TOR3A: variants seen among roughly 807,000 people sequenced by gnomAD.
TOR3A encodes torsin family 3 member A.
TOR3A carries 44 observed loss-of-function variants against 42.1 expected under a neutral mutation model. The observed-to-expected ratio is 1.04, with a 90% CI of 0.82 to 1.34. TOR3A has a LOEUF of 1.34. Among genes scored for constraint, TOR3A ranks in the 40% most tolerant of loss-of-function variants. TOR3A has a pLI of 0.00. For synonymous variants in TOR3A, 227 were observed against 213.2 expected, an observed-to-expected ratio of 1.06 and a Z score of -0.57; for missense variants, 521 against 507.6, an observed-to-expected ratio of 1.03 and a Z score of -0.25.
chr1:179,095,473 T>TTAAGA lies in TOR3A; in HGVS notation c.*257_*261dup. 1 of 1,352,876 alleles carries TTAAGA rather than the reference T, an allele frequency of 7.4e-7. No individual in the cohort carries two copies. Among genetic ancestry groups the TTAAGA allele is most frequent in the South Asian group, 1.8e-5 (1 of 55,636 alleles). The allele number at this position is 1,352,876 out of a possible 1,614,324, so 83.8% of individuals were successfully genotyped here. ...CTGAATTCAAAAACAGAGCCCATTCTTAAGATCACTTGGTGCCTTAAAGAC... is the reference window on the plus strand; with the variant it reads ...CTGAATTCAAAAACAGAGCCCATTCTTAAGATAAGATCACTTGGTGCCTTAAAGAC... On this transcript the variant is annotated 3_prime_UTR_variant, in exon 6 of 6. Coordinates refer to ENST00000367627, the MANE Select transcript of TOR3A (RefSeq NM_022371.4).
chr1:179,085,422 C>CAAAAA, intron 2 of TOR3A: 2 of 445,802 alleles, frequency 4.5e-6, no homozygotes, highest in African/African-American at 5.7e-5. Flanking sequence ...GACTCCATCT[C>CAAAAA]AAAAAAAAAA....
intron 1 of TOR3A, 189 bp from the exon 2 acceptor site, chr1:179,082,751 T>G (rs1307262827): frequency 1.4e-6 from 1 of 704,658 alleles, no homozygotes; most frequent in East Asian, 2.7e-5. Flanking sequence ...ACATGCCTGG[T>G]GACTGCCGTC....
At position 179,095,748 on chromosome 1, in the gene TOR3A, G is replaced by C; in HGVS notation, c.*530G>C. Reference sequence around the variant, plus strand: ...ATACACTCTAGGTTTGCAGGCTGGTGGGCTTTCAAATTGGTACTTCCAGAG... The same window carrying C: ...ATACACTCTAGGTTTGCAGGCTGGTCGGCTTTCAAATTGGTACTTCCAGAG... On this transcript the variant is annotated 3_prime_UTR_variant, in exon 6 of 6. Transcript: ENST00000367627. The C allele has an allele frequency of 1.0e-6, 1 of 985,156 alleles. No individual in the cohort carries two copies. Among genetic ancestry groups the C allele is most frequent in the Non-Finnish European group, 1.2e-6 (1 of 832,314 alleles). The allele number at this position is 985,156 out of a possible 1,614,324, so 61.0% of individuals were successfully genotyped here.
intron 5 of TOR3A, 99 bp from the exon 6 acceptor site, chr1:179,094,869 C>G: frequency 8.5e-7 from 1 of 1,174,926 alleles, no homozygotes; most frequent in East Asian, 2.3e-5. Context: ...CAGAGCAAGC[C>G]CCTGTTTCAA....
At chr1:179,090,323 C>T (rs1415831411) in intron 4 of TOR3A, among the ~76,000 whole-genome samples, 1 of 152,246 alleles carries the variant, frequency 6.6e-6, no homozygotes, top group African/African-American at 2.4e-5. Context: ...ATAGTCTGTG[C>T]CCAGGCTGTC....
At chr1:179,092,676 G>T (rs1557889206) in intron 4 of TOR3A, among the ~76,000 whole-genome samples, 1 of 152,156 alleles carries the variant, frequency 6.6e-6, no homozygotes, top group Non-Finnish European at 1.5e-5. Flanking sequence ...GTGAAACCCT[G>T]TCTCTACTAA....
chr1:179,088,885 A>G (rs1038026564), intron 4 of TOR3A, among the ~76,000 whole-genome samples: 1 of 152,210 alleles, frequency 6.6e-6, no homozygotes, highest in African/African-American at 2.4e-5. Context: ...GCTTCACAAC[A>G]GCTCGAGCCT....
intron 2 of TOR3A, 137 bp downstream of exon 2, chr1:179,083,190 A>C: frequency 1.9e-6 from 1 of 524,580 alleles, no homozygotes; most frequent in South Asian, 3.6e-5. Context: ...AGTCTGACTG[A>C]AGTTTTGAGG....
chr1:179,088,700 G>A (rs1652499504), intron 4 of TOR3A, among the ~76,000 whole-genome samples: 2 of 152,212 alleles, frequency 1.3e-5, no homozygotes, highest in Non-Finnish European at 2.9e-5. Flanking sequence ...ACGCTACCAT[G>A]CGGGACCCAG....
chr1:179,095,034 CT>C lies in TOR3A; in HGVS notation c.1013del (p.Leu338TrpfsTer6). 1 of 1,614,196 alleles carries C rather than the reference CT, an allele frequency of 6.2e-7. No homozygotes were observed. Among genetic ancestry groups the C allele is most frequent in the Non-Finnish European group, 8.5e-7 (1 of 1,180,042 alleles). On this transcript the variant is annotated frameshift_variant, in exon 6 of 6. Transcript: ENST00000367627. LOFTEE classifies it high-confidence loss of function. The stretch of plus-strand genomic sequence containing the variant: ...ATTGACTACTTCATCCCCTTCCTGC[CT>C]TTGGAGTACCGTCACGTGAGGCTGT... ...NLIDYFIPFL[P>X]LEYRHVRLCA...
At chr1:179,087,329 C>T (rs766848785) in intron 3 of TOR3A, among the ~76,000 whole-genome samples, 1 of 152,164 alleles carries the variant, frequency 6.6e-6, no homozygotes, top group Non-Finnish European at 1.5e-5. Flanking sequence ...CCCCTGAGAT[C>T]TCGGCCCAGC....
intron 2 of TOR3A, 21 bp downstream of exon 2, chr1:179,083,074 A>T (rs1388195331): frequency 5.6e-6 from 8 of 1,436,606 alleles, no homozygotes; most frequent in Middle Eastern, 1.8e-4. Flanking sequence ...GCATGGCTTC[A>T]AGGGGCTAGG....
rs140524169 is a variant in TOR3A, at chr1:179,095,294, G to C, written c.*76G>C. The C allele has an allele frequency of 1.1e-3, 1,737 of 1,583,798 alleles. 2 individuals are homozygous for C. Among genetic ancestry groups the C allele is most frequent in the Non-Finnish European group, 1.4e-3 (1,595 of 1,166,644 alleles). The stretch of plus-strand genomic sequence containing the variant: ...TGGGACCTGTAGGAGCACCCCGTTT[G>C]GGACTGTGAGGTGTTTGAGGGTGTG... On this transcript the variant is annotated 3_prime_UTR_variant, in exon 6 of 6. Transcript: ENST00000367627.
chr1:179,082,963 C>CA lies in TOR3A; in HGVS notation c.284dup (p.Arg96AlafsTer19), dbSNP rs1449746591. On this transcript the variant is annotated frameshift_variant, in exon 2 of 6. Coordinates refer to ENST00000367627, the MANE Select transcript of TOR3A (RefSeq NM_022371.4). LOFTEE classifies it high-confidence loss of function. ...AGGCTGGCGCCTTCCTCTGTTGGGC[C>CA]AGCGGTACCTGGACCTCCTGACCAC... is the stretch of plus-strand genomic sequence containing the variant. 6.3e-7 allele frequency: 1 copy of CA among 1,582,636 alleles called. No homozygotes were observed. The highest frequency in any genetic ancestry group is 1.8e-5 in the Admixed American group (1 of 55,426).
At chr1:179,092,327 G>A (rs574883720) in intron 4 of TOR3A, among the ~76,000 whole-genome samples, 12 of 152,304 alleles carry the variant, frequency 7.9e-5, no homozygotes, top group Admixed American at 7.2e-4. Flanking sequence ...GGCTTTCAGA[G>A]CTGGGTAAGG....
chr1:179,091,864 G>C (rs1469119021), intron 4 of TOR3A: 2 of 152,344 alleles, frequency 1.3e-5, no homozygotes, highest in African/African-American at 2.4e-5. Flanking sequence ...ATGCAACTGT[G>C]GCTGCTCCTG....
At position 179,095,356 on chromosome 1, in the gene TOR3A, G is replaced by A. The variant is rs928744872; in HGVS notation, c.*138G>A. On this transcript the variant is annotated 3_prime_UTR_variant, in exon 6 of 6. Coordinates refer to ENST00000367627, the MANE Select transcript of TOR3A (RefSeq NM_022371.4). ...AGCAGCCACTAACAAACACACAACT[G>A]GTGTGTAAAAGGCAGGCCTTACATT... is the stretch of plus-strand genomic sequence containing the variant. 4.6e-6 allele frequency: 7 copies of A among 1,513,064 alleles called. No homozygotes were observed. The African/African-American group carries it at 6.9e-5, about 15-fold the overall frequency. 93.7% of individuals were successfully genotyped at this position (1,513,064 alleles called of 1,614,324 possible).
In TOR3A at chr1:179,082,159, C is replaced by T. The variant is rs749994031; in HGVS notation, c.31C>T (p.Leu11Phe). 6.6e-7 allele frequency: 1 copy of T among 1,511,498 alleles called. No individual in the cohort carries two copies. The highest frequency in any genetic ancestry group is 8.8e-7 in the Non-Finnish European group (1 of 1,139,900). The allele number at this position is 1,511,498 out of a possible 1,614,324, so 93.6% of individuals were successfully genotyped here. ...TCGCGGTCCGTGGCGCCAGCTTTGGCTCTTTTTCCTGCTGCTGCTCCCGGG... is the reference window on the plus strand; with the variant it reads ...TCGCGGTCCGTGGCGCCAGCTTTGGTTCTTTTTCCTGCTGCTGCTCCCGGG... MLRGPWRQLW[L>F]FFLLLLPGAP... Residue 11 changes from leucine to phenylalanine, a missense_variant, in exon 1 of 6, where the codon CTC (leucine) becomes TTC (phenylalanine). Transcript: ENST00000367627.
rs766443903 is a variant in TOR3A at position 179,094,172 on chromosome 1, G to T, written c.898G>T (p.Glu300Ter). 2 of 1,614,104 alleles carry T rather than the reference G, an allele frequency of 1.2e-6. No homozygotes were observed. Among genetic ancestry groups the T allele is most frequent in the Admixed American group, 1.7e-5 (1 of 60,018 alleles). ...AGWSREEITM[E>*]HLEPHLQAEI... ...ATGGTCCCGGGAAGAAATTACGATGGAACACCTGGAGCCCCACCTCCAGGC... is the reference window on the plus strand; with the variant it reads ...ATGGTCCCGGGAAGAAATTACGATGTAACACCTGGAGCCCCACCTCCAGGC... Residue 300 changes from glutamate to a stop codon, truncating the protein, a stop_gained, in exon 5 of 6, where the codon GAA (glutamate) becomes TAA (stop). Coordinates refer to ENST00000367627, the MANE Select transcript of TOR3A (RefSeq NM_022371.4). LOFTEE classifies it high-confidence loss of function.
Sources: gnomAD v4.1 joint callset for allele counts (sites outside exome capture counted in the v4.1 genomes callset) on GRCh38, gnomAD v4.1.1 for gene constraint, MANE v1.5 for transcripts, NCBI Gene and HGNC (gene_info 2026-07-23, HGNC 2026-07-21) for gene names.